Variants in CSMD1 observed in about 807,000 individuals in gnomAD.
CSMD1 encodes CUB and sushi domain-containing protein 1.
Under a neutral mutation model 417.5 loss-of-function variants are expected in CSMD1, and 213 were observed. The observed-to-expected ratio is 0.51, with a 90% CI of 0.46 to 0.57. The LOEUF is 0.57. Among genes scored for constraint, CSMD1 ranks in the 20% least tolerant of loss-of-function variants. The pLI, the probability that CSMD1 is intolerant of heterozygous loss-of-function variation, is 0.00. For synonymous variants in CSMD1, 2,862 were observed against 1,736.8 expected, an observed-to-expected ratio of 1.65 and a Z score of -16.11; for missense variants, 6,923 against 4,529.7, an observed-to-expected ratio of 1.53 and a Z score of -15.17.
chr8:3,261,604 C>G (rs149738681), intron 26 of CSMD1, among the ~76,000 whole-genome samples: 2 of 152,142 alleles, frequency 1.3e-5, no homozygotes, highest in African/African-American at 4.8e-5. Flanking sequence ...CCCAGGTGTC[C>G]TTCGGCGGTG....
At position 3,155,243 on chromosome 8, in the gene CSMD1, G is replaced by A. The variant is rs1391505364; in HGVS notation, c.5914+2654C>T. Among the ~76,000 whole-genome samples, 2 of 151,764 alleles carry A rather than the reference G, an allele frequency of 1.3e-5. 1 individual carries two copies. The highest frequency in any genetic ancestry group is 2.9e-5 in the Non-Finnish European group (2 of 67,952). ...AAAATTTCAATTCCTGACTTTTAGGGAAGGCTCTTCATTTAAAAATAAATA... is the reference window on the plus strand; with the variant it reads ...AAAATTTCAATTCCTGACTTTTAGGAAAGGCTCTTCATTTAAAAATAAATA... On this transcript the variant is annotated intron_variant, in intron 39 of 69. Coordinates refer to ENST00000635120, the MANE Select transcript of CSMD1 (RefSeq NM_033225.6).
At chr8:3,278,074 T>C (rs549848888) in intron 26 of CSMD1, among the ~76,000 whole-genome samples, 8 of 152,174 alleles carry the variant, frequency 5.3e-5, no homozygotes, top group Non-Finnish European at 7.4e-5. Context: ...ATCTGATCTT[T>C]AGAGTTTCAA....
At chr8:3,225,063 G>A (rs1158467304) in intron 27 of CSMD1, among the ~76,000 whole-genome samples, 1 of 152,104 alleles carries the variant, frequency 6.6e-6, no homozygotes, top group African/African-American at 2.4e-5. Flanking sequence ...AAAAGAAAAT[G>A]TCTTAATTGC....
chr8:3,873,911 G>C (rs1268639663), intron 5 of CSMD1, among the ~76,000 whole-genome samples: 4 of 152,088 alleles, frequency 2.6e-5, no homozygotes, highest in Non-Finnish European at 4.4e-5. Flanking sequence ...ACTGATCTTG[G>C]AGACAACTAG....
At chr8:4,067,896 A>G (rs1158155023) in intron 3 of CSMD1, among the ~76,000 whole-genome samples, 1 of 152,056 alleles carries the variant, frequency 6.6e-6, no homozygotes, top group African/African-American at 2.4e-5. Flanking sequence ...GGCCAACATG[A>G]TGAAACCCCA....
intron 5 of CSMD1, among the ~76,000 whole-genome samples, chr8:3,761,478 CAGTTCTTTAATCA>C (rs997605902): frequency 6.7e-6 from 1 of 148,530 alleles, no homozygotes; most frequent in Non-Finnish European, 1.5e-5. Context: ...TTTCATTCAA[CAGTTCTTTAATCA>C]AAACGACCAT....
At chr8:4,350,264 C>G (rs188550852) in intron 3 of CSMD1, among the ~76,000 whole-genome samples, 2 of 152,270 alleles carry the variant, frequency 1.3e-5, no homozygotes, top group African/African-American at 2.4e-5. Context: ...GGAAGCCTCA[C>G]TCTAGGGGAC....
intron 3 of CSMD1, among the ~76,000 whole-genome samples, chr8:4,146,324 C>A (rs145353001): frequency 3.6e-4 from 54 of 150,920 alleles, no homozygotes; most frequent in Non-Finnish European, 6.8e-4. Context: ...TCTGACACAT[C>A]CAAAGCAGGT....
At position 3,433,820 on chromosome 8, in the gene CSMD1, G is replaced by A. The variant is rs1283510733; in HGVS notation, c.1562-24215C>T. ...TGCACAGTTCTAGGACTGAAAAACG[G>A]GCTCCCGTGGCAGCTCAGCCATTCT... On this transcript the variant is annotated intron_variant, in intron 12 of 69. Coordinates refer to ENST00000635120, the MANE Select transcript of CSMD1 (RefSeq NM_033225.6). Among the ~76,000 whole-genome samples the A allele has an allele frequency of 2.0e-5, 3 of 152,146 alleles. 1 individual carries two copies. The highest frequency in any genetic ancestry group is 4.4e-5 in the Non-Finnish European group (3 of 68,024).
intron 5 of CSMD1, among the ~76,000 whole-genome samples, chr8:3,963,023 G>A (rs957075117): frequency 4.6e-5 from 7 of 152,190 alleles, no homozygotes; most frequent in African/African-American, 1.7e-4. Context: ...TGCAACCTCT[G>A]CCTCCGAGGT....
intron 25 of CSMD1, among the ~76,000 whole-genome samples, chr8:3,304,399 A>T (rs931155000): frequency 2.6e-5 from 4 of 152,156 alleles, no homozygotes; most frequent in Non-Finnish European, 5.9e-5. Flanking sequence ...CATGATATAC[A>T]ATTTTAGTAT....
At chr8:4,809,563 C>T (rs1798779910) in intron 1 of CSMD1, among the ~76,000 whole-genome samples, 1 of 152,162 alleles carries the variant, frequency 6.6e-6, no homozygotes, top group African/African-American at 2.4e-5. Context: ...AGCCTAGACC[C>T]ATGAGCTCTA....
At chr8:3,605,782 A>G (rs1389929969) in intron 8 of CSMD1, among the ~76,000 whole-genome samples, 1 of 152,220 alleles carries the variant, frequency 6.6e-6, no homozygotes, top group Non-Finnish European at 1.5e-5. Context: ...AGTCATAAAT[A>G]GCACTCTTTC....
At chr8:4,898,832 G>A (rs1352306142) in intron 1 of CSMD1, among the ~76,000 whole-genome samples, 1 of 152,068 alleles carries the variant, frequency 6.6e-6, no homozygotes, top group Non-Finnish European at 1.5e-5. Flanking sequence ...AAAAGTTGTG[G>A]CAGGACAGAA....
chr8:3,572,465 C>G (rs775058501), intron 10 of CSMD1, among the ~76,000 whole-genome samples: 26 of 152,036 alleles, frequency 1.7e-4, no homozygotes, highest in African/African-American at 6.0e-4. Flanking sequence ...TCCTGCCCAG[C>G]GTTTCTAATT....
chr8:4,839,857 A>G (rs6996405), intron 1 of CSMD1, among the ~76,000 whole-genome samples: 9,516 of 152,268 alleles, frequency 0.062, 352 homozygotes, highest in African/African-American at 0.099. Flanking sequence ...GCTAGAATGT[A>G]TATCTTTCAA....
chr8:4,686,789 A>G (rs1806411930), intron 1 of CSMD1, among the ~76,000 whole-genome samples: 1 of 152,218 alleles, frequency 6.6e-6, no homozygotes, highest in African/African-American at 2.4e-5. Flanking sequence ...TTCGCTTCAG[A>G]GACCCATTTG....
At chr8:4,979,042 A>G (rs1810726692) in intron 1 of CSMD1, among the ~76,000 whole-genome samples, 1 of 152,202 alleles carries the variant, frequency 6.6e-6, no homozygotes, top group South Asian at 2.1e-4. Flanking sequence ...ATTTCCTCTC[A>G]TCGTTCTTTT....
At chr8:4,129,001 G>A (rs4602909) in intron 3 of CSMD1, among the ~76,000 whole-genome samples, 66,009 of 148,630 alleles carry the variant, frequency 0.44, 14,746 homozygotes, top group African/African-American at 0.47. Context: ...GCTTGAACCC[G>A]GGAGTCAGAG....
Sources: allele counts gnomAD v4.1 joint callset (sites outside exome capture counted in the v4.1 genomes callset), GRCh38; gene constraint gnomAD v4.1.1; transcripts MANE v1.5; gene names NCBI Gene and HGNC (gene_info 2026-07-23, HGNC 2026-07-21).